TCEANC2: variants seen among roughly 807,000 people sequenced by gnomAD.
The protein encoded by TCEANC2 is transcription elongation factor A N-terminal and central domain containing 2.
A neutral mutation model predicts 22.8 loss-of-function variants in TCEANC2; 20 were observed. That is an observed-to-expected ratio of 0.88 (90% confidence interval 0.62 to 1.28). The LOEUF is 1.28. Among genes scored for constraint, TCEANC2 ranks in the 50% most tolerant of loss-of-function variants. The pLI, the probability that TCEANC2 is intolerant of heterozygous loss-of-function variation, is 0.00. For synonymous variants in TCEANC2, 84 were observed against 95.5 expected (o/e 0.88, Z 0.70); for missense variants, 251 against 249.7 (o/e 1.01, Z -0.03).
downstream of TCEANC2, among the ~76,000 whole-genome samples, chr1:54,106,292 A>T (rs1380572451): frequency 6.6e-6 from 1 of 152,260 alleles, no homozygotes; most frequent in Non-Finnish European, 1.5e-5. Flanking sequence ...TGCAGTGGAT[A>T]AAAAGAATGA....
chr1:54,071,837 G>A (rs1000689871), intron 3 of TCEANC2, among the ~76,000 whole-genome samples: 4 of 151,384 alleles, frequency 2.6e-5, no homozygotes, highest in African/African-American at 9.7e-5. Flanking sequence ...TTTGAGACAG[G>A]GTCTTTCTGT....
chr1:54,112,289 C>T (rs1318739586), exon 5 of TCEANC2: 3 of 152,136 alleles, frequency 2.0e-5, no homozygotes, highest in African/African-American at 7.2e-5. Context: ...TCACTTGAGC[C>T]GGGAGGTTGA....
At chr1:54,110,240 C>G (rs1658819430), downstream of TCEANC2, among the ~76,000 whole-genome samples, 2 of 152,300 alleles carry the variant, frequency 1.3e-5, no homozygotes, top group South Asian at 4.1e-4. Flanking sequence ...CTAATCAATT[C>G]TACACTCAGC....
chr1:54,064,218 G>T (rs1043988963), intron 2 of TCEANC2, among the ~76,000 whole-genome samples: 1 of 152,210 alleles, frequency 6.6e-6, no homozygotes, highest in African/African-American at 2.4e-5. Context: ...AAGAAGTAGA[G>T]ATAAGAAAAC....
chr1:54,068,704 T>C (rs1658001300), intron 2 of TCEANC2, 52 bp from the exon 3 acceptor site: 2 of 1,557,402 alleles, frequency 1.3e-6, no homozygotes, highest in Admixed American at 2.0e-5. Flanking sequence ...TGAAGGCAGA[T>C]GTCTTTCTAA....
chr1:54,096,953 A>G lies in TCEANC2; in HGVS notation c.*480A>G. The stretch of plus-strand genomic sequence containing the variant: ...CTGTCTGTTCTCTTTGCTCTATCCC[A>G]GGGGTGAGCCTGCGAGAGCCAGCCA... On this transcript the variant is annotated 3_prime_UTR_variant, in exon 5 of 5. Transcript: ENST00000234827. The surrounding 1 kb of genome is among the most constrained non-coding windows in gnomAD (Gnocchi z 4.9). 1.0e-6 allele frequency: 1 copy of G among 986,246 alleles called. No individual in the cohort carries two copies. The highest frequency in any genetic ancestry group is 1.2e-6 in the Non-Finnish European group (1 of 830,266). The allele number at this position is 986,246 out of a possible 1,614,324, so 61.1% of individuals were successfully genotyped here.
chr1:54,068,760 T>C lies in TCEANC2; in HGVS notation c.107T>C (p.Val36Ala), dbSNP rs1042704692. ...AATGACTTTTCTTTTTCCCAGAGAG[T>C]TGTGGTTGTAGAAGACATAAAAAGA... is the stretch of plus-strand genomic sequence containing the variant. ...KQATIESLKR[V>A]VVVEDIKRWK... The change falls in exon 3 of 5, where the codon GTT (valine) becomes GCT (alanine). Residue 36 changes from valine to alanine, a missense_variant. Physicochemically the swap from Val to Ala is moderately conservative, Grantham distance 64. Transcript: ENST00000234827. 1.9e-6 allele frequency: 3 copies of C among 1,595,572 alleles called. No individual in the cohort carries two copies. Among genetic ancestry groups the C allele is most frequent in the South Asian group, 2.3e-5 (2 of 86,594 alleles).
rs1396484121 is a variant in TCEANC2, at chr1:54,106,078, A to C, written c.*9605A>C. The C allele has an allele frequency of 2.0e-5, 3 of 152,244 alleles. No individual in the cohort carries two copies. Among genetic ancestry groups the C allele is most frequent in the Non-Finnish European group, 2.9e-5 (2 of 68,052 alleles). 9.4% of individuals were successfully genotyped at this position (152,244 alleles called of 1,614,324 possible). A position where few individuals can be genotyped will look rare whatever the true frequency, so the allele number is the denominator to read the frequency against. ...TGTGTTCCAATAAAACTTTATTTACAAAAACAGGTGGTGGGCTGCATTTGG... is the reference window on the plus strand; with the variant it reads ...TGTGTTCCAATAAAACTTTATTTACCAAAACAGGTGGTGGGCTGCATTTGG... On this transcript the variant is annotated 3_prime_UTR_variant, in exon 5 of 5. Coordinates refer to ENST00000234827, the MANE Select transcript of TCEANC2 (RefSeq NM_153035.3).
intron 1 of TCEANC2, chr1:54,054,174 T>C (rs1455443692): frequency 7.6e-7 from 1 of 1,315,976 alleles, no homozygotes; most frequent in Non-Finnish European, 1.0e-6. Context: ...AGGAACCTCC[T>C]AACTCAGGAC....
In TCEANC2 at chr1:54,105,001, A is replaced by T. The variant is rs1202886472; in HGVS notation, c.*8528A>T. 1.2e-5 allele frequency: 2 copies of T among 172,072 alleles called. No homozygotes were observed. The highest frequency in any genetic ancestry group is 3.1e-4 in the East Asian group (2 of 6,370). 10.7% of individuals were successfully genotyped at this position (172,072 alleles called of 1,614,324 possible). On this transcript the variant is annotated 3_prime_UTR_variant, in exon 5 of 5. Transcript: ENST00000234827. ...CACGTGCTGGCTGAGGGTAAGGAGGATCTAGAATGGATAGTAGAAGAGGGA... is the reference window on the plus strand; with the variant it reads ...CACGTGCTGGCTGAGGGTAAGGAGGTTCTAGAATGGATAGTAGAAGAGGGA...
At chr1:54,106,527 A>G (rs950527785), downstream of TCEANC2, among the ~76,000 whole-genome samples, 1 of 152,200 alleles carries the variant, frequency 6.6e-6, no homozygotes, top group African/African-American at 2.4e-5. Context: ...GAAATGTGGT[A>G]TGTATTTTAC....
rs1372888754 is a variant in TCEANC2, at chr1:54,062,001, A to AT, written c.103-6749dup. Among the ~76,000 whole-genome samples the AT allele has an allele frequency of 3.3e-5, 5 of 152,258 alleles. 2 individuals carry two copies. In the South Asian group the frequency reaches 1.0e-3, roughly 32 times the overall value. On this transcript the variant is annotated intron_variant, in intron 2 of 4. Coordinates refer to ENST00000234827, the MANE Select transcript of TCEANC2 (RefSeq NM_153035.3). ...TTCTTCTGTTGGTTGCAATAAGAGA[A>AT]TTTTTTAAATTAAAAGGTCCTAGAG...
chr1:54,062,123 C>T (rs1657869096), intron 2 of TCEANC2, among the ~76,000 whole-genome samples: 2 of 152,172 alleles, frequency 1.3e-5, no homozygotes, highest in Admixed American at 1.3e-4. Context: ...CCTGCCCCCA[C>T]CAGTGGAATG....
chr1:54,109,598 C>T (rs1438704211), downstream of TCEANC2, among the ~76,000 whole-genome samples: 1 of 152,174 alleles, frequency 6.6e-6, no homozygotes, highest in Non-Finnish European at 1.5e-5. Context: ...TTTCCCTCTC[C>T]ACCTGAATGT....
chr1:54,090,262 TAATAGAA>T (rs1223951869), intron 4 of TCEANC2, among the ~76,000 whole-genome samples: 1 of 152,190 alleles, frequency 6.6e-6, no homozygotes, highest in Admixed American at 6.5e-5. Flanking sequence ...TACAAACTTC[TAATAGAA>T]AATGAGAAAA....
intron 3 of TCEANC2, among the ~76,000 whole-genome samples, chr1:54,075,932 G>A (rs947216638): frequency 6.6e-6 from 1 of 151,464 alleles, no homozygotes; most frequent in Non-Finnish European, 1.5e-5. Context: ...GAGAACCCGG[G>A]AAGCTGAGGC....
rs769935527 is a variant in TCEANC2, at chr1:54,096,433, C to T, written c.587C>T (p.Ser196Leu). The T allele has an allele frequency of 1.6e-5, 26 of 1,612,506 alleles. No homozygotes were observed. The highest frequency in any genetic ancestry group is 2.2e-5 in the East Asian group (1 of 44,812). The stretch of plus-strand genomic sequence containing the variant: ...ATCCGGGCTCAGGTGAAGAGCGGCT[C>T]GCTGCCAGTCGGCACGTTTGTACAG... ...AEIRAQVKSG[S>L]LPVGTFVQTH... Residue 196 changes from serine to leucine, a missense_variant, in exon 5 of 5, where the codon TCG (serine) becomes TTG (leucine). Coordinates refer to ENST00000234827, the MANE Select transcript of TCEANC2 (RefSeq NM_153035.3). The surrounding 1 kb of genome is among the most constrained non-coding windows in gnomAD (Gnocchi z 4.9).
At position 54,105,915 on chromosome 1, in the gene TCEANC2, G is replaced by A. The variant is rs1425786046; in HGVS notation, c.*9442G>A. 2 of 152,070 alleles carry A rather than the reference G, an allele frequency of 1.3e-5. No homozygotes were observed. The highest frequency in any genetic ancestry group is 1.9e-4 in the East Asian group (1 of 5,204). 9.4% of individuals were successfully genotyped at this position (152,070 alleles called of 1,614,324 possible). On this transcript the variant is annotated 3_prime_UTR_variant, in exon 5 of 5. Transcript: ENST00000234827. Reference sequence around the variant, plus strand: ...ATTATAGACATGAATCACCACACCCGGCCAGCAAACTTTTTTAAAGGAACA... The same window carrying A: ...ATTATAGACATGAATCACCACACCCAGCCAGCAAACTTTTTTAAAGGAACA...
chr1:54,107,603 C>T (rs542259617), downstream of TCEANC2, among the ~76,000 whole-genome samples: 3 of 152,040 alleles, frequency 2.0e-5, no homozygotes, highest in Non-Finnish European at 2.9e-5. Context: ...CCCTTCTCTG[C>T]CATTTAATTT....
Sources: gnomAD v4.1 joint callset for allele counts (sites outside exome capture counted in the v4.1 genomes callset) on GRCh38, gnomAD v4.1.1 for gene constraint, Gnocchi (gnomAD v3.1) non-coding constraint, MANE v1.5 for transcripts, NCBI Gene and HGNC (gene_info 2026-07-23, HGNC 2026-07-21) for gene names.